Variants in NKTR observed in about 807,000 individuals in gnomAD.
NKTR encodes natural killer cell triggering receptor.
In NKTR, 67 loss-of-function variants were observed where a neutral mutation model predicts 156.3. The ratio of observed to expected loss-of-function variants is 0.43; its 90% CI spans 0.35 to 0.53. NKTR has a LOEUF of 0.53. NKTR is among the 20% of genes least tolerant of loss of function. The pLI, the probability that NKTR is intolerant of heterozygous loss-of-function variation, is 0.01. For missense variants in NKTR, 1,604 were observed against 1,730.9 expected, an observed-to-expected ratio of 0.93 and a Z score of 1.30; for synonymous variants, 640 against 596.6, an observed-to-expected ratio of 1.07 and a Z score of -1.06.
At chr3:42,610,551 T>C (rs1232242009) in intron 2 of NKTR, among the ~76,000 whole-genome samples, 6 of 152,070 alleles carry the variant, frequency 3.9e-5, no homozygotes, top group South Asian at 2.1e-4. Context: ...GTAGTAGATA[T>C]GAATGTTGAA....
Position 42,639,346 on chromosome 3 carries a change from T to C in NKTR, c.3642T>C (p.Ala1214=). ...AGESTGKKEV[A]EKSQINLIDK... ...AAAGTACCGGGAAGAAGGAGGTGGC[T>C]GAGAAGAGCCAGATCAACCTCATTG... Residue 1214 remains alanine, a synonymous_variant, in exon 13 of 17, where the codon GCT becomes GCC. Coordinates refer to ENST00000232978, the MANE Select transcript of NKTR (RefSeq NM_005385.4). 1 of 1,614,094 alleles carries C rather than the reference T, an allele frequency of 6.2e-7. No homozygotes were observed.
chr3:42,638,424 C>T lies in NKTR; in HGVS notation c.2720C>T (p.Ser907Phe). 6.2e-7 allele frequency: 1 copy of T among 1,613,614 alleles called. No homozygotes were observed. Among genetic ancestry groups the T allele is most frequent in the Non-Finnish European group, 8.5e-7 (1 of 1,179,840 alleles). The part of the protein sequence containing the change: ...KNSKNDSHPS[S>F]DKEEGEATSD... ...AGTAAAAATGACTCCCATCCATCCTCTGACAAGGAAGAAGGTGAGGCCACA... is the reference window on the plus strand; with the variant it reads ...AGTAAAAATGACTCCCATCCATCCTTTGACAAGGAAGAAGGTGAGGCCACA... The change falls in exon 13 of 17, where the codon TCT (serine) becomes TTT (phenylalanine). Residue 907 changes from serine to phenylalanine, a missense_variant. By Grantham distance (155) the Ser-to-Phe change is radical. This residue lies in a region of NKTR where 1,255 missense variants were observed against 1,243.7 expected (regional missense o/e 1.01). Transcript: ENST00000232978.
chr3:42,623,672 C>G (rs1708119516), intron 6 of NKTR: 1 of 152,076 alleles, frequency 6.6e-6, no homozygotes, highest in Non-Finnish European at 1.5e-5. Context: ...GTATGATATG[C>G]TATCTTCAGG....
chr3:42,645,834 A>G, intron 16 of NKTR, 54 bp from the exon 17 acceptor site: 1 of 1,267,560 alleles, frequency 7.9e-7, no homozygotes, highest in South Asian at 1.3e-5. Context: ...TATAAGAGGA[A>G]TTCAAAGATT....
Position 42,635,262 on chromosome 3 carries a change from AGAT to A in NKTR, c.1068_1070del (p.Asp357del), listed in dbSNP as rs1709294365. The A allele has an allele frequency of 2.5e-6, 4 of 1,613,894 alleles. No individual in the cohort carries two copies. The highest frequency in any genetic ancestry group is 2.5e-6 in the Non-Finnish European group (3 of 1,179,856). On this transcript the variant is annotated inframe_deletion, in exon 12 of 17. Transcript: ENST00000232978. ...CAAGATCAAGATCCTGTTCTGAGTC[AGAT>A]GATGATGACAGCAGTGAAACTCCTC...
Position 42,639,308 on chromosome 3 carries a change from G to C in NKTR, c.3604G>C (p.Ala1202Pro). 6.2e-7 allele frequency: 1 copy of C among 1,614,128 alleles called. No homozygotes were observed. Among genetic ancestry groups the C allele is most frequent in the Non-Finnish European group, 8.5e-7 (1 of 1,180,008 alleles). Residue 1202 changes from alanine to proline, a missense_variant, in exon 13 of 17, where the codon GCT (alanine) becomes CCT (proline). Physicochemically the swap from Ala to Pro is conservative, Grantham distance 27 (BLOSUM62 -1). Transcript: ENST00000232978. ...ACAGGACAGCAGCTCTGCTAGCTTGGCTAGTGCTGGAGAAAGTACCGGGAA... is the reference window on the plus strand; with the variant it reads ...ACAGGACAGCAGCTCTGCTAGCTTGCCTAGTGCTGGAGAAAGTACCGGGAA... ...GKQDSSSASL[A>P]SAGESTGKKE...
Position 42,628,370 on chromosome 3 carries a change from G to A in NKTR, c.375-2176G>A, listed in dbSNP as rs1708588789. ...TTTGAATTAAAAACTAAACTTGAAT[G>A]TCATAAAGATAGCTATTCCATCCTC... is the stretch of plus-strand genomic sequence containing the variant. On this transcript the variant is annotated intron_variant, in intron 6 of 16. Coordinates refer to ENST00000232978, the MANE Select transcript of NKTR (RefSeq NM_005385.4). The A allele has an allele frequency of 5.1e-6, 5 of 985,156 alleles. No homozygotes were observed. The South Asian group carries it at 1.4e-4, about 28-fold the overall frequency. 61.0% of individuals were successfully genotyped at this position (985,156 alleles called of 1,614,324 possible).
chr3:42,620,943 A>T lies in NKTR; in HGVS notation c.287-486A>T, dbSNP rs1015180817. On this transcript the variant is annotated intron_variant, in intron 5 of 16. Transcript: ENST00000232978. ...TTTAGATATGTTCCTGTAACTTAAT[A>T]TAACATAATTTTTTTGTCTTACAGT... 5.6e-6 allele frequency: 5 copies of T among 896,692 alleles called. No individual in the cohort carries two copies. The African/African-American group carries it at 9.0e-5, about 16-fold the overall frequency. 55.5% of individuals were successfully genotyped at this position (896,692 alleles called of 1,614,324 possible). A position where few individuals can be genotyped will look rare whatever the true frequency, so the allele number is the denominator to read the frequency against.
intron 2 of NKTR, chr3:42,612,410 ATTTTGCCATTACATAAC>A (rs1706922167): frequency 6.6e-6 from 1 of 152,124 alleles, no homozygotes; most frequent in African/African-American, 2.4e-5. Flanking sequence ...CATAAAAAAA[ATTTTGCCATTACATAAC>A]TTTGTTTCCT....
At chr3:42,615,602 C>T (rs1407027207) in intron 2 of NKTR, among the ~76,000 whole-genome samples, 3 of 151,758 alleles carry the variant, frequency 2.0e-5, no homozygotes, top group African/African-American at 7.3e-5. Context: ...CAAAAAACAC[C>T]CTAATGTTGA....
chr3:42,637,300 C>A lies in NKTR; in HGVS notation c.1596C>A (p.Ser532Arg). Residue 532 changes from serine (S) to arginine (R), a missense_variant, in exon 13 of 17, where the codon AGC becomes AGA. Physicochemically the swap from Ser to Arg is moderately radical, Grantham distance 110. Coordinates refer to ENST00000232978, the MANE Select transcript of NKTR (RefSeq NM_005385.4). ...ACTCACAGTCTTATTCTAGAGGAAG[C>A]TCAAGATCAAGGACTGCGTCAAAGT... ...KSHSQSYSRG[S>R]SRSRTASKSS... 1 of 1,614,100 alleles carries A rather than the reference C, an allele frequency of 6.2e-7. No homozygotes were observed. The highest frequency in any genetic ancestry group is 1.1e-5 in the South Asian group (1 of 91,074).
At chr3:42,636,737 T>G (rs776581378) in intron 12 of NKTR, 131 bp from the exon 13 acceptor site, 3 of 1,304,726 alleles carry the variant, frequency 2.3e-6, no homozygotes, top group Non-Finnish European at 3.0e-6. Context: ...GGCCTATAAC[T>G]CTGATTCACG....
chr3:42,620,952 T>C, intron 5 of NKTR: 1 of 893,600 alleles, frequency 1.1e-6, no homozygotes. Flanking sequence ...TATAACATAA[T>C]TTTTTTGTCT....
intron 6 of NKTR, among the ~76,000 whole-genome samples, chr3:42,625,681 C>A (rs1708312256): frequency 6.6e-6 from 1 of 152,094 alleles, no homozygotes; most frequent in South Asian, 2.1e-4. Context: ...GTGTTAATAA[C>A]CTGAGAAGCT....
At chr3:42,626,290 G>C (rs1245815988) in intron 6 of NKTR, among the ~76,000 whole-genome samples, 1 of 151,328 alleles carries the variant, frequency 6.6e-6, no homozygotes, top group African/African-American at 2.4e-5. Context: ...AATATTTCAA[G>C]ATTTATTACA....
intron 6 of NKTR, chr3:42,630,095 A>AT: frequency 3.0e-6 from 3 of 987,296 alleles, no homozygotes; most frequent in Non-Finnish European, 3.6e-6. Flanking sequence ...ACAAGAAAAC[A>AT]TTTAAGTGTT....
At position 42,627,536 on chromosome 3, in the gene NKTR, T is replaced by G. The variant is rs949870540; in HGVS notation, c.375-3010T>G. ...TCATTTCTGTATAAGGGCAAAAGGTTCTCTGATAATGGTATAAAACTATAG... is the reference window on the plus strand; with the variant it reads ...TCATTTCTGTATAAGGGCAAAAGGTGCTCTGATAATGGTATAAAACTATAG... On this transcript the variant is annotated intron_variant, in intron 6 of 16. Transcript: ENST00000232978. 1.1e-5 allele frequency: 11 copies of G among 984,880 alleles called. No individual in the cohort carries two copies. The African/African-American group carries it at 1.4e-4, about 13-fold the overall frequency. 61.0% of individuals were successfully genotyped at this position (984,880 alleles called of 1,614,324 possible).
intron 6 of NKTR, chr3:42,630,030 C>A: frequency 2.0e-6 from 2 of 985,476 alleles, no homozygotes; most frequent in Non-Finnish European, 2.4e-6. Context: ...AAACAGAACT[C>A]CTGAGACCTA....
In NKTR at chr3:42,646,318, C is replaced by T. The variant is rs926717969; in HGVS notation, c.*343C>T. On this transcript the variant is annotated 3_prime_UTR_variant, in exon 17 of 17. Coordinates refer to ENST00000232978, the MANE Select transcript of NKTR (RefSeq NM_005385.4). ...TCCCTTAGAATACAGATTCTTTTTG[C>T]CTGTTTTTCCAGTTTTAGCATATAT... 9.5e-6 allele frequency: 2 copies of T among 211,288 alleles called. No homozygotes were observed. Among genetic ancestry groups the T allele is most frequent in the African/African-American group, 4.6e-5 (2 of 43,170 alleles). The allele number at this position is 211,288 out of a possible 1,614,324, so 13.1% of individuals were successfully genotyped here. A position where few individuals can be genotyped will look rare whatever the true frequency, so the allele number is the denominator to read the frequency against.
Sources: allele counts gnomAD v4.1 joint callset (sites outside exome capture counted in the v4.1 genomes callset), GRCh38; gene constraint gnomAD v4.1.1; regional missense constraint gnomAD v4.1.1; transcripts MANE v1.5; gene names NCBI Gene and HGNC (gene_info 2026-07-23, HGNC 2026-07-21).